The following JAK2 variants were observed in gnomAD, a reference collection of about 807,000 sequenced individuals.
The protein encoded by JAK2 is tyrosine-protein kinase JAK2.
A neutral mutation model predicts 139.3 loss-of-function variants in JAK2; 86 were observed. That is an observed-to-expected ratio of 0.62 (90% CI 0.52 to 0.74). The LOEUF (loss-of-function observed/expected upper bound fraction) is 0.74, where lower values mean the gene tolerates loss of function less well. Among genes scored for constraint, JAK2 ranks in the 30% least tolerant of loss-of-function variants. The pLI, the probability that JAK2 is intolerant of heterozygous loss-of-function variation, is 0.00. For synonymous variants in JAK2, 490 were observed against 437.7 expected, an observed-to-expected ratio of 1.12 and a Z score of -1.49; for missense variants, 1,421 against 1,360.3, an observed-to-expected ratio of 1.04 and a Z score of -0.70.
At chr9:5,038,223 C>T (rs1261273730) in intron 4 of JAK2, among the ~76,000 whole-genome samples, 1 of 152,086 alleles carries the variant, frequency 6.6e-6, no homozygotes, top group Non-Finnish European at 1.5e-5. Context: ...CCTAGAAAGA[C>T]ACAAGTTATA....
At chr9:5,100,932 G>C (rs1460933214) in intron 22 of JAK2, 2 of 152,216 alleles carry the variant, frequency 1.3e-5, no homozygotes, top group African/African-American at 4.8e-5. Flanking sequence ...GTCTGAATAG[G>C]AATAGCTCCA....
chr9:5,026,692 G>C (rs546727318), intron 3 of JAK2, among the ~76,000 whole-genome samples: 155 of 152,264 alleles, frequency 1.0e-3, no homozygotes, highest in African/African-American at 3.6e-3. Flanking sequence ...GAGTTCACGT[G>C]ATTGTTGTGT....
intron 2 of JAK2, among the ~76,000 whole-genome samples, chr9:5,005,509 A>G (rs1436378698): frequency 6.6e-6 from 1 of 152,118 alleles, no homozygotes; most frequent in Non-Finnish European, 1.5e-5. Context: ...TCCTGGGGGT[A>G]AATTCATTTG....
In JAK2 at chr9:5,050,891, A is replaced by G. The variant is rs1284297610; in HGVS notation, c.614+60A>G. ...TGAGTAGAGATTTTATATAATTCGTATATATTTTCTGTGTTTACCCATGCC... is the reference window on the plus strand; with the variant it reads ...TGAGTAGAGATTTTATATAATTCGTGTATATTTTCTGTGTTTACCCATGCC... On this transcript the variant is annotated intron_variant, in intron 6 of 24. Transcript: ENST00000381652. 4 of 1,424,178 alleles carry G rather than the reference A, an allele frequency of 2.8e-6. No individual in the cohort carries two copies. In the African/African-American group the frequency reaches 4.3e-5, roughly 15 times the overall value. 88.2% of individuals were successfully genotyped at this position (1,424,178 alleles called of 1,614,324 possible). A position where few individuals can be genotyped will look rare whatever the true frequency, so the allele number is the denominator to read the frequency against.
intron 19 of JAK2, among the ~76,000 whole-genome samples, chr9:5,086,890 C>G (rs1820157949): frequency 6.6e-6 from 1 of 152,194 alleles, no homozygotes. Flanking sequence ...ATGTTCATAT[C>G]TTTTAAACTA....
At chr9:5,055,546 C>G in intron 7 of JAK2, 123 bp from the exon 8 acceptor site, 1 of 702,272 alleles carries the variant, frequency 1.4e-6, no homozygotes, top group East Asian at 2.9e-5. Context: ...TAATGCTTAT[C>G]TATTGTTATC....
intron 2 of JAK2, among the ~76,000 whole-genome samples, chr9:4,999,027 G>T (rs939226982): frequency 6.6e-6 from 1 of 151,404 alleles, no homozygotes; most frequent in Admixed American, 6.6e-5. Context: ...GGGTTTCACC[G>T]TGTTAGCCAG....
chr9:5,044,310 T>C, intron 4 of JAK2, 93 bp from the exon 5 acceptor site: 1 of 771,392 alleles, frequency 1.3e-6, no homozygotes. Flanking sequence ...TATGGGATAA[T>C]ACCTTTCAGT....
intron 19 of JAK2, chr9:5,085,215 C>A: frequency 4.5e-6 from 3 of 666,172 alleles, no homozygotes; most frequent in Non-Finnish European, 8.7e-6. Context: ...TTTCTGGGAA[C>A]TGCTGACAGG....
intron 22 of JAK2, among the ~76,000 whole-genome samples, chr9:5,117,531 T>G (rs941175835): frequency 6.6e-6 from 1 of 152,240 alleles, no homozygotes; most frequent in South Asian, 2.1e-4. Flanking sequence ...CAATAAGATA[T>G]GTTTTCTATT....
In JAK2 at chr9:5,128,114, GTGTGTGTTATTTATACAAAACTTAAAA is replaced by G. The variant is rs1341172939; in HGVS notation, c.*1325_*1351del. 1 of 228,970 alleles carries G rather than the reference GTGTGTGTTATTTATACAAAACTTAAAA, an allele frequency of 4.4e-6. No individual in the cohort carries two copies. The highest frequency in any genetic ancestry group is 8.6e-6 in the Non-Finnish European group (1 of 116,232). 14.2% of individuals were successfully genotyped at this position (228,970 alleles called of 1,614,324 possible). A position where few individuals can be genotyped will look rare whatever the true frequency, so the allele number is the denominator to read the frequency against. On this transcript the variant is annotated 3_prime_UTR_variant, in exon 25 of 25. Transcript: ENST00000381652. ...TGTGTGTGTGTGTGTGTGTGTGTGT[GTGTGTGTTATTTATACAAAACTTAAAA>G]TACTTGCTGTTTTGATTAAAAAGAA...
chr9:5,080,547 T>C lies in JAK2; in HGVS notation c.2298T>C (p.Tyr766=), dbSNP rs1391720236. 1.3e-6 allele frequency: 2 copies of C among 1,588,066 alleles called. No homozygotes were observed. The highest frequency in any genetic ancestry group is 1.7e-6 in the Non-Finnish European group (2 of 1,173,232). ...TTTAATTATAGAAGCTACAATTTTA[T>C]GAAGATAGGCATCAGCTTCCTGCAC... is the stretch of plus-strand genomic sequence containing the variant. ...ALDSQRKLQF[Y]EDRHQLPAPK... The change falls in exon 18 of 25, where the codon TAT becomes TAC. Residue 766 remains tyrosine, a synonymous_variant. Coordinates refer to ENST00000381652, the MANE Select transcript of JAK2 (RefSeq NM_004972.4).
upstream of JAK2, chr9:4,985,009 A>G (rs965439404): frequency 1.3e-5 from 2 of 152,398 alleles, no homozygotes; most frequent in Admixed American, 1.3e-4. Flanking sequence ...TCCCGCGACC[A>G]GCACCGAGCG....
At chr9:5,092,960 T>C (rs912303322) in intron 22 of JAK2, among the ~76,000 whole-genome samples, 1 of 152,124 alleles carries the variant, frequency 6.6e-6, no homozygotes, top group Non-Finnish European at 1.5e-5. Context: ...ATCGCCATAG[T>C]TGGCCCAAAA....
chr9:5,026,624 T>C (rs1170940438), intron 3 of JAK2, among the ~76,000 whole-genome samples: 1 of 152,180 alleles, frequency 6.6e-6, no homozygotes, highest in Non-Finnish European at 1.5e-5. Context: ...TTAATTGAAG[T>C]GTGGTTAGAG....
chr9:5,012,281 G>C (rs918279136), intron 2 of JAK2, among the ~76,000 whole-genome samples: 1 of 152,176 alleles, frequency 6.6e-6, no homozygotes, highest in Non-Finnish European at 1.5e-5. Flanking sequence ...GCCTCATTCA[G>C]TGTATTCCCC....
chr9:5,049,769 T>C (rs1015684269), intron 5 of JAK2, among the ~76,000 whole-genome samples: 16 of 152,262 alleles, frequency 1.1e-4, no homozygotes, highest in Admixed American at 3.9e-4. Context: ...ATTGTACTTA[T>C]ACAAACCTAT....
chr9:5,037,819 C>T (rs1385392390), intron 4 of JAK2, among the ~76,000 whole-genome samples: 1 of 152,086 alleles, frequency 6.6e-6, no homozygotes, highest in African/African-American at 2.4e-5. Context: ...AACTAACCTG[C>T]ATGTTGTGCA....
rs2130819177 is a variant in JAK2, at chr9:5,114,926, G to T, written c.3060-8078G>T. On this transcript the variant is annotated intron_variant, in intron 22 of 24. Coordinates refer to ENST00000381652, the MANE Select transcript of JAK2 (RefSeq NM_004972.4). ...AAGCCACCCCCAATAAACAGTGCCT[G>T]CTCAGAAAACAAACAAACAAACAAA... 1.7e-5 allele frequency: 3 copies of T among 180,480 alleles called. No individual in the cohort carries two copies. The South Asian group carries it at 3.7e-4, about 22-fold the overall frequency. 11.2% of individuals were successfully genotyped at this position (180,480 alleles called of 1,614,324 possible). A position where few individuals can be genotyped will look rare whatever the true frequency, so the allele number is the denominator to read the frequency against.
Sources: gnomAD v4.1 joint callset for allele counts (sites outside exome capture counted in the v4.1 genomes callset) on GRCh38, gnomAD v4.1.1 for gene constraint, MANE v1.5 for transcripts, NCBI Gene and HGNC (gene_info 2026-07-23, HGNC 2026-07-21) for gene names.